Variants in SNTG1 observed in about 807,000 individuals in gnomAD.
SNTG1 encodes gamma-1-syntrophin.
A neutral mutation model predicts 74.7 loss-of-function variants in SNTG1; 39 were observed. That is an observed-to-expected ratio of 0.52 (90% CI 0.40 to 0.68). The LOEUF is 0.68. Among genes scored for constraint, SNTG1 ranks in the 30% least tolerant of loss-of-function variants. SNTG1 has a pLI of 0.00. For missense variants in SNTG1, 685 were observed against 609.5 expected, an observed-to-expected ratio of 1.12 and a Z score of -1.30; for synonymous variants, 254 against 217.1, an observed-to-expected ratio of 1.17 and a Z score of -1.49.
chr8:50,354,792 C>T (rs996160218), intron 2 of SNTG1, among the ~76,000 whole-genome samples: 19 of 152,098 alleles, frequency 1.2e-4, no homozygotes, highest in South Asian at 2.1e-4. Flanking sequence ...TCCAGGCTCA[C>T]GTAGCTAAGG....
rs774380628 is a variant in SNTG1, at chr8:50,792,667, T to G, written c.1396-4T>G. On this transcript the variant is annotated splice_region_variant and splice_polypyrimidine_tract_variant and intron_variant, in intron 18 of 18. Coordinates refer to ENST00000642720, the MANE Select transcript of SNTG1 (RefSeq NM_018967.5). Reference sequence around the variant, plus strand: ...TATCTGACCTGTTTCTCTTTCCCTTTCAGGAGTTGGAATTTTCTAATTTAT... The same window carrying G: ...TATCTGACCTGTTTCTCTTTCCCTTGCAGGAGTTGGAATTTTCTAATTTAT... The G allele has an allele frequency of 3.4e-5, 55 of 1,604,818 alleles. No homozygotes were observed. Among genetic ancestry groups the G allele is most frequent in the Non-Finnish European group, 4.4e-5 (52 of 1,175,346 alleles).
intron 1 of SNTG1, among the ~76,000 whole-genome samples, chr8:50,049,987 A>C (rs1306502428): frequency 6.6e-6 from 1 of 151,982 alleles, no homozygotes; most frequent in Non-Finnish European, 1.5e-5. Flanking sequence ...TATAGCACAG[A>C]ATGTATATAT....
intron 2 of SNTG1, among the ~76,000 whole-genome samples, chr8:50,270,960 A>C (rs2087747401): frequency 6.6e-6 from 1 of 152,156 alleles, no homozygotes; most frequent in South Asian, 2.1e-4. Context: ...GTTACTCTAA[A>C]TATGTGCTTG....
At chr8:50,492,663 T>C (rs1178259099) in intron 8 of SNTG1, among the ~76,000 whole-genome samples, 1 of 152,172 alleles carries the variant, frequency 6.6e-6, no homozygotes, top group Non-Finnish European at 1.5e-5. Flanking sequence ...ATTGCAAAAA[T>C]TTTCTCCCAT....
At chr8:50,256,850 A>G (rs2086905959) in intron 2 of SNTG1, among the ~76,000 whole-genome samples, 1 of 152,026 alleles carries the variant, frequency 6.6e-6, no homozygotes. Flanking sequence ...CATACGTCAA[A>G]TGGAGAATCA....
chr8:49,977,347 C>T (rs1812289628), intron 1 of SNTG1, among the ~76,000 whole-genome samples: 1 of 151,312 alleles, frequency 6.6e-6, no homozygotes, highest in South Asian at 2.1e-4. Context: ...TTTTTTCATT[C>T]CCATTTTGAA....
intron 1 of SNTG1, among the ~76,000 whole-genome samples, chr8:50,095,122 A>G (rs910867176): frequency 3.3e-5 from 5 of 152,124 alleles, no homozygotes; most frequent in African/African-American, 4.8e-5. Context: ...CATAGACAAA[A>G]AGACGGGAGC....
At chr8:50,747,375 T>G (rs1224723701) in intron 17 of SNTG1, among the ~76,000 whole-genome samples, 1 of 152,008 alleles carries the variant, frequency 6.6e-6, no homozygotes, top group East Asian at 1.9e-4. Context: ...GCTACTCATA[T>G]TCCTCCACAT....
intron 2 of SNTG1, among the ~76,000 whole-genome samples, chr8:50,320,011 T>C (rs2090464093): frequency 6.6e-6 from 1 of 152,222 alleles, no homozygotes; most frequent in African/African-American, 2.4e-5. Context: ...GGTGTCAGGG[T>C]AATACTGACC....
chr8:50,179,114 C>G (rs1011446664), intron 2 of SNTG1, among the ~76,000 whole-genome samples: 1 of 151,994 alleles, frequency 6.6e-6, no homozygotes, highest in African/African-American at 2.4e-5. Flanking sequence ...ATTAGTTGAC[C>G]ATGTATGCTT....
At chr8:50,498,032 T>A (rs2093919036) in intron 8 of SNTG1, among the ~76,000 whole-genome samples, 1 of 152,010 alleles carries the variant, frequency 6.6e-6, no homozygotes, top group South Asian at 2.1e-4. Flanking sequence ...ACATTTGAGT[T>A]TTCTAAATTT....
At chr8:50,073,757 T>G (rs2131021135) in intron 1 of SNTG1, among the ~76,000 whole-genome samples, 1 of 152,104 alleles carries the variant, frequency 6.6e-6, no homozygotes, top group South Asian at 2.1e-4. Context: ...TCACAGCTCT[T>G]GGGTATTCAC....
chr8:50,756,292 C>T (rs1247081552), intron 18 of SNTG1, among the ~76,000 whole-genome samples: 1 of 151,780 alleles, frequency 6.6e-6, no homozygotes, highest in African/African-American at 2.4e-5. Context: ...TTTTGTGCAT[C>T]ATGCCTTTGG....
chr8:50,676,922 A>G (rs1292995332), intron 15 of SNTG1, among the ~76,000 whole-genome samples: 1 of 151,978 alleles, frequency 6.6e-6, no homozygotes, highest in Admixed American at 6.6e-5. Flanking sequence ...CAGTCACTTT[A>G]TCTCATTAAG....
At chr8:50,242,124 C>CATAT (rs886916499) in intron 2 of SNTG1, among the ~76,000 whole-genome samples, 1 of 151,522 alleles carries the variant, frequency 6.6e-6, no homozygotes, top group African/African-American at 2.4e-5. Context: ...TATATGTATA[C>CATAT]ATATATACAT....
chr8:50,078,740 G>A (rs184500017), intron 1 of SNTG1, among the ~76,000 whole-genome samples: 216 of 152,180 alleles, frequency 1.4e-3, no homozygotes, highest in Middle Eastern at 0.014. Flanking sequence ...AGGCCCCAGC[G>A]TGTGATATTC....
intron 5 of SNTG1, among the ~76,000 whole-genome samples, chr8:50,440,061 T>C (rs2093344292): frequency 1.3e-5 from 2 of 151,726 alleles, no homozygotes; most frequent in Admixed American, 1.3e-4. Context: ...CATTTTAATA[T>C]TTTCATTATT....
chr8:49,938,603 T>TTTTCTTTTCTTTCTTTTCTTTCTTTC, intron 1 of SNTG1, among the ~76,000 whole-genome samples: 1 of 74,754 alleles, frequency 1.3e-5, no homozygotes, highest in African/African-American at 4.5e-5. Context: ...TTTTCTTTTC[T>TTTTCTTTTCTTTCTTTTCTTTCTTTC]TTTCTTTCTT....
At chr8:49,955,841 A>T (rs1810109321) in intron 1 of SNTG1, among the ~76,000 whole-genome samples, 1 of 152,214 alleles carries the variant, frequency 6.6e-6, no homozygotes, top group Non-Finnish European at 1.5e-5. Context: ...AATATCATTT[A>T]TAAGCTTTTC....
Sources: allele counts gnomAD v4.1 joint callset (sites outside exome capture counted in the v4.1 genomes callset), GRCh38; gene constraint gnomAD v4.1.1; transcripts MANE v1.5; gene names NCBI Gene and HGNC (gene_info 2026-07-23, HGNC 2026-07-21).